KCNMB2: variants seen among roughly 807,000 people sequenced by gnomAD.
The protein encoded by KCNMB2 is calcium-activated potassium channel subunit beta-2.
A neutral mutation model predicts 24.5 loss-of-function variants in KCNMB2; 9 were observed. That is an observed-to-expected ratio of 0.37 (90% CI 0.22 to 0.64). The LOEUF (loss-of-function observed/expected upper bound fraction) is 0.64, where lower values mean the gene tolerates loss of function less well. KCNMB2 is among the 30% of genes least tolerant of loss of function. KCNMB2 has a pLI of 0.63. For missense variants in KCNMB2, 226 were observed against 284.3 expected (o/e 0.79, Z 1.47); for synonymous variants, 109 against 104.4 (o/e 1.04, Z -0.27).
chr3:178,558,005 C>T (rs571448868), intron 1 of KCNMB2, among the ~76,000 whole-genome samples: 23 of 152,050 alleles, frequency 1.5e-4, no homozygotes, highest in Non-Finnish European at 3.1e-4. Context: ...AAATGGCTGT[C>T]GTTCTTTTGG....
At chr3:178,553,879 T>G (rs1018309773) in intron 1 of KCNMB2, among the ~76,000 whole-genome samples, 9 of 151,916 alleles carry the variant, frequency 5.9e-5, no homozygotes, top group Non-Finnish European at 1.2e-4. Context: ...ATATCGGTTT[T>G]CCTAAAAATA....
intron 1 of KCNMB2, among the ~76,000 whole-genome samples, chr3:178,788,902 T>C (rs1713211861): frequency 6.6e-6 from 1 of 152,244 alleles, no homozygotes; most frequent in Admixed American, 6.5e-5. Context: ...TTTATCAATA[T>C]GTTCCCAACA....
At chr3:178,778,455 G>GACACACACACACAC (rs71628070) in intron 1 of KCNMB2, among the ~76,000 whole-genome samples, 21 of 127,544 alleles carry the variant, frequency 1.6e-4, no homozygotes, top group East Asian at 1.4e-3. Context: ...TACCCTTTAA[G>GACACACACACACAC]ACACACACAC....
chr3:178,712,405 C>T (rs191536093), intron 1 of KCNMB2, among the ~76,000 whole-genome samples: 13 of 152,226 alleles, frequency 8.5e-5, no homozygotes, highest in Admixed American at 6.5e-4. Context: ...TGTGGGGTTA[C>T]GTTGACTCGA....
At chr3:178,661,772 C>T (rs1485016169) in intron 1 of KCNMB2, among the ~76,000 whole-genome samples, 4 of 152,152 alleles carry the variant, frequency 2.6e-5, no homozygotes, top group Non-Finnish European at 4.4e-5. Flanking sequence ...AGACTTTTAA[C>T]AAGATTCTCC....
intron 1 of KCNMB2, among the ~76,000 whole-genome samples, chr3:178,715,720 T>C (rs968700112): frequency 6.6e-6 from 1 of 152,222 alleles, no homozygotes; most frequent in African/African-American, 2.4e-5. Flanking sequence ...AAACACTATA[T>C]GCAGTTGGCA....
At chr3:178,617,863 C>T (rs1436951290) in intron 1 of KCNMB2, among the ~76,000 whole-genome samples, 1 of 144,834 alleles carries the variant, frequency 6.9e-6, no homozygotes, top group African/African-American at 2.6e-5. Context: ...TGCACTCCAG[C>T]CTGGGTGACA....
intron 1 of KCNMB2, among the ~76,000 whole-genome samples, chr3:178,650,242 TGA>T (rs1720061721): frequency 6.6e-6 from 1 of 152,192 alleles, no homozygotes; most frequent in Admixed American, 6.5e-5. Context: ...TTGCATTTGC[TGA>T]GGAGTGTTTT....
At chr3:178,776,906 A>G (rs1055278410) in intron 1 of KCNMB2, among the ~76,000 whole-genome samples, 1 of 152,194 alleles carries the variant, frequency 6.6e-6, no homozygotes, top group African/African-American at 2.4e-5. Context: ...AAGCTATGCA[A>G]CCTTCATCAG....
intron 2 of KCNMB2, among the ~76,000 whole-genome samples, chr3:178,823,035 G>T (rs1714692251): frequency 6.6e-6 from 1 of 152,154 alleles, no homozygotes; most frequent in Non-Finnish European, 1.5e-5. Flanking sequence ...TTTTACAGCA[G>T]GTCTTTGAAG....
intron 1 of KCNMB2, among the ~76,000 whole-genome samples, chr3:178,560,688 T>C (rs1716286618): frequency 6.6e-6 from 1 of 152,264 alleles, no homozygotes; most frequent in Non-Finnish European, 1.5e-5. Flanking sequence ...CTTAAGGTGA[T>C]AAAGATTTTA....
chr3:178,536,874 A>G (rs1018825707), intron 1 of KCNMB2, among the ~76,000 whole-genome samples, 163 bp downstream of exon 1: 1 of 152,248 alleles, frequency 6.6e-6, no homozygotes, highest in African/African-American at 2.4e-5. Flanking sequence ...CACAGTGGAC[A>G]GTATTATGTT....
intron 1 of KCNMB2, among the ~76,000 whole-genome samples, chr3:178,671,133 C>G (rs1027238743): frequency 2.0e-5 from 3 of 149,430 alleles, no homozygotes; most frequent in African/African-American, 7.4e-5. Flanking sequence ...TACAAACACA[C>G]AGGCCTCAAG....
intron 1 of KCNMB2, among the ~76,000 whole-genome samples, chr3:178,620,292 A>G (rs1718861575): frequency 6.6e-6 from 1 of 152,224 alleles, no homozygotes; most frequent in Admixed American, 6.5e-5. Flanking sequence ...ATAAGCTAAT[A>G]AAACTATGAA....
At chr3:178,790,084 T>C (rs1016282439) in intron 1 of KCNMB2, among the ~76,000 whole-genome samples, 1 of 151,718 alleles carries the variant, frequency 6.6e-6, no homozygotes, top group Non-Finnish European at 1.5e-5. Flanking sequence ...CAGTGGAATA[T>C]GGCACCAGGC....
At chr3:178,577,911 C>T (rs1472974200) in intron 1 of KCNMB2, among the ~76,000 whole-genome samples, 1 of 152,114 alleles carries the variant, frequency 6.6e-6, no homozygotes, top group Non-Finnish European at 1.5e-5. Context: ...ATTGGTGTAC[C>T]TGAAAGTGAC....
intron 1 of KCNMB2, among the ~76,000 whole-genome samples, chr3:178,593,737 C>T (rs1247957318): frequency 6.6e-6 from 1 of 151,424 alleles, no homozygotes; most frequent in African/African-American, 2.4e-5. Context: ...GTCTCTTTCC[C>T]GTGTTGCAAT....
rs182093416 is a variant in KCNMB2, at chr3:178,571,984, A to G, written c.-68+35273A>G. On this transcript the variant is annotated intron_variant, in intron 1 of 4. Transcript: ENST00000452583. The stretch of plus-strand genomic sequence containing the variant: ...TGTTTGCTATTGTAAATAGTGCTGC[A>G]ATAAACACACGTGTGCATGTGTCTT... 6.6e-5 allele frequency among the ~76,000 whole-genome samples: 10 copies of G among 152,328 alleles called. No homozygotes were observed. The East Asian group carries it at 1.9e-3, about 29-fold the overall frequency.
chr3:178,652,885 AC>A (rs1720181719), intron 1 of KCNMB2, among the ~76,000 whole-genome samples: 1 of 151,558 alleles, frequency 6.6e-6, no homozygotes, highest in Non-Finnish European at 1.5e-5. Context: ...CTGGTCTCAA[AC>A]TCCTGACCCC....
Sources: gnomAD v4.1 joint callset for allele counts (sites outside exome capture counted in the v4.1 genomes callset) on GRCh38, gnomAD v4.1.1 for gene constraint, MANE v1.5 for transcripts, NCBI Gene and HGNC (gene_info 2026-07-23, HGNC 2026-07-21) for gene names.